BRI3BP: variants seen among roughly 807,000 people sequenced by gnomAD.
The protein encoded by BRI3BP is BRI3-binding protein.
A neutral mutation model predicts 15.8 loss-of-function variants in BRI3BP; 7 were observed. The ratio of observed to expected loss-of-function variants is 0.44; its 90% CI spans 0.25 to 0.83. The LOEUF (loss-of-function observed/expected upper bound fraction) is 0.83, where lower values mean the gene tolerates loss of function less well. Ranked by LOEUF, BRI3BP falls within the 40% of genes least tolerant of loss-of-function variation. The pLI is 0.20. For missense variants in BRI3BP, 320 were observed against 339.3 expected (o/e 0.94, Z 0.45); for synonymous variants, 192 against 163.5 (o/e 1.17, Z -1.33).
chr12:125,013,233 G>A (rs149447438), intron 2 of BRI3BP, among the ~76,000 whole-genome samples: 77 of 152,298 alleles, frequency 5.1e-4, no homozygotes, highest in African/African-American at 1.8e-3. Flanking sequence ...ACTGGCATCC[G>A]TGCAAGAAAT....
In BRI3BP at chr12:125,022,541, A is replaced by ATTTATTTTTTTTTTT; in HGVS notation, c.317-2447_317-2446insATTTTTTTTTTTTTT. 4.9e-3 allele frequency among the ~76,000 whole-genome samples: 687 copies of ATTTATTTTTTTTTTT among 139,398 alleles called. 7 individuals carry two copies. Among genetic ancestry groups the ATTTATTTTTTTTTTT allele is most frequent in the African/African-American group, 0.017 (573 of 34,514 alleles). The allele number at this position is 139,398 out of a possible 152,430, so 91.5% of individuals were successfully genotyped here. On this transcript the variant is annotated intron_variant, in intron 2 of 2. Transcript: ENST00000341446. ...TTATTATTTATTTATTTATTTATTT[A>ATTTATTTTTTTTTTT]TTTTTTGAGACAGAGCCTCACTGTG...
At chr12:125,033,352 C>G (rs1212596713), downstream of BRI3BP, among the ~76,000 whole-genome samples, 1 of 152,074 alleles carries the variant, frequency 6.6e-6, no homozygotes, top group South Asian at 2.1e-4. Flanking sequence ...AGATGGCGCC[C>G]CTGCACTCCA....
chr12:125,043,709 TAGCC>T, the BRI3BP span, among the ~76,000 whole-genome samples: 1 of 151,988 alleles, frequency 6.6e-6, no homozygotes, highest in Non-Finnish European at 1.5e-5. Flanking sequence ...ATACAAAAAT[TAGCC>T]AGTCGTGGTT....
rs1488026479 is a variant in BRI3BP, at chr12:125,030,265, C to G, written c.*4835C>G. The stretch of plus-strand genomic sequence containing the variant: ...CATCTATCTTGCATTAAAAGGAATT[C>G]CTGAGGCTCCTAAGGGGTCAGCTGC... On this transcript the variant is annotated 3_prime_UTR_variant, in exon 3 of 3. Coordinates refer to ENST00000341446, the MANE Select transcript of BRI3BP (RefSeq NM_080626.6). The G allele has an allele frequency of 1.3e-5, 2 of 152,166 alleles. No individual in the cohort carries two copies. Among genetic ancestry groups the G allele is most frequent in the Non-Finnish European group, 2.9e-5 (2 of 68,036 alleles). The allele number at this position is 152,166 out of a possible 1,614,324, so 9.4% of individuals were successfully genotyped here.
chr12:124,998,785 T>A (rs935810970), intron 1 of BRI3BP, among the ~76,000 whole-genome samples: 3 of 152,088 alleles, frequency 2.0e-5, no homozygotes, highest in African/African-American at 7.2e-5. Flanking sequence ...TACAGTTTTT[T>A]AAAAAAATTG....
chr12:125,031,775 G>A (rs774255879), downstream of BRI3BP, among the ~76,000 whole-genome samples: 2 of 151,840 alleles, frequency 1.3e-5, no homozygotes, highest in East Asian at 1.9e-4. Context: ...TGATCCGCCC[G>A]TTTCGGCCTC....
At position 125,025,488 on chromosome 12, in the gene BRI3BP, C is replaced by T. The variant is rs1955345537; in HGVS notation, c.*58C>T. The T allele has an allele frequency of 1.4e-6, 2 of 1,431,304 alleles. No homozygotes were observed. Among genetic ancestry groups the T allele is most frequent in the African/African-American group, 1.4e-5 (1 of 70,042 alleles). The allele number at this position is 1,431,304 out of a possible 1,614,324, so 88.7% of individuals were successfully genotyped here. On this transcript the variant is annotated 3_prime_UTR_variant, in exon 3 of 3. Transcript: ENST00000341446. The stretch of plus-strand genomic sequence containing the variant: ...AGCACGCTGTCTCAGAAAACGAAAA[C>T]GGAGGAAAAAAACCCCAAACCCCAA...
downstream of BRI3BP, among the ~76,000 whole-genome samples, chr12:125,031,572 C>CTTTTTT (rs1168428069): frequency 2.9e-4 from 27 of 93,922 alleles, no homozygotes; most frequent in African/African-American, 1.2e-3. Flanking sequence ...CCTTTTCTTT[C>CTTTTTT]TATTTTTTTT....
intron 1 of BRI3BP, among the ~76,000 whole-genome samples, chr12:124,995,948 C>G (rs1955037126): frequency 6.6e-6 from 1 of 152,170 alleles, no homozygotes; most frequent in Admixed American, 6.6e-5. Flanking sequence ...AGGTCTGGCT[C>G]TGTTGCTCAG....
intron 1 of BRI3BP, among the ~76,000 whole-genome samples, chr12:125,006,978 C>T (rs1191006226): frequency 3.9e-5 from 6 of 152,128 alleles, no homozygotes; most frequent in Non-Finnish European, 1.5e-5. Context: ...GTGGGTGGAT[C>T]ATCTGAGGTC....
At chr12:124,996,785 G>A (rs1487463859) in intron 1 of BRI3BP, among the ~76,000 whole-genome samples, 1 of 139,174 alleles carries the variant, frequency 7.2e-6, no homozygotes, top group African/African-American at 2.7e-5. Context: ...CCGAGATGGA[G>A]TATTGCTTTG....
chr12:125,020,235 C>T (rs773314054), intron 2 of BRI3BP, among the ~76,000 whole-genome samples: 9 of 152,090 alleles, frequency 5.9e-5, no homozygotes, highest in Non-Finnish European at 1.2e-4. Context: ...CATGAGCCAC[C>T]GTGCCCGGCC....
rs1337179002 is a variant in BRI3BP at position 125,025,384 on chromosome 12, G to A, written c.710G>A (p.Arg237His). 6.2e-6 allele frequency: 10 copies of A among 1,610,604 alleles called. No individual in the cohort carries two copies. The highest frequency in any genetic ancestry group is 5.5e-5 in the South Asian group (5 of 90,744). ...LEKQVRLLNI[R>H]LNRVLESLDR... ...AAGCAGGTCAGACTGCTCAACATCC[G>A]TCTCAACCGGGTGCTCGAGAGCCTG... The change falls in exon 3 of 3, where the codon CGT (arginine) becomes CAT (histidine). Residue 237 changes from arginine to histidine, a missense_variant. By Grantham distance (29) the Arg-to-His change is conservative (BLOSUM62 0). Transcript: ENST00000341446.
intron 1 of BRI3BP, among the ~76,000 whole-genome samples, chr12:125,009,283 CTT>C (rs1217778458): frequency 3.0e-5 from 2 of 66,566 alleles, no homozygotes; most frequent in African/African-American, 5.7e-5. Context: ...ACCCAGCCAT[CTT>C]TTTTTTTTTT....
At chr12:125,015,379 A>C (rs1955233773) in intron 2 of BRI3BP, among the ~76,000 whole-genome samples, 1 of 152,168 alleles carries the variant, frequency 6.6e-6, no homozygotes, top group Non-Finnish European at 1.5e-5. Context: ...GCCACAAGCC[A>C]AGGAACACTG....
chr12:125,009,283 CTTTTTT>C (rs1217778458), intron 1 of BRI3BP, among the ~76,000 whole-genome samples: 14 of 66,578 alleles, frequency 2.1e-4, no homozygotes, highest in African/African-American at 5.7e-4. Context: ...ACCCAGCCAT[CTTTTTT>C]TTTTTTTTTT....
At chr12:125,004,780 C>T (rs1251120910) in intron 1 of BRI3BP, among the ~76,000 whole-genome samples, 1 of 152,192 alleles carries the variant, frequency 6.6e-6, no homozygotes, top group Non-Finnish European at 1.5e-5. Flanking sequence ...TCCCGAGGTC[C>T]TCTCGGCTGG....
At chr12:125,008,782 G>A (rs1260614217) in intron 1 of BRI3BP, among the ~76,000 whole-genome samples, 1 of 152,142 alleles carries the variant, frequency 6.6e-6, no homozygotes, top group Non-Finnish European at 1.5e-5. Context: ...AATATAGAAT[G>A]AAATAATTAT....
At chr12:125,037,751 G>T in the BRI3BP span, among the ~76,000 whole-genome samples, 1 of 151,326 alleles carries the variant, frequency 6.6e-6, no homozygotes, top group East Asian at 1.9e-4. Context: ...GGCAGAGATT[G>T]CAGTGAGCTG....
Sources: gnomAD v4.1 joint callset for allele counts (sites outside exome capture counted in the v4.1 genomes callset) on GRCh38, gnomAD v4.1.1 for gene constraint, MANE v1.5 for transcripts, NCBI Gene and HGNC (gene_info 2026-07-23, HGNC 2026-07-21) for gene names.